Variants in SUDS3 observed in about 807,000 individuals in gnomAD.
SUDS3 encodes SIN3A corepressor complex component SDS3.
A neutral mutation model predicts 53.5 loss-of-function variants in SUDS3; 23 were observed. That is an observed-to-expected ratio of 0.43 (90% confidence interval 0.31 to 0.61). The LOEUF (loss-of-function observed/expected upper bound fraction) is 0.61, where lower values mean the gene tolerates loss of function less well. Ranked by LOEUF, SUDS3 falls within the 20% of genes least tolerant of loss-of-function variation. SUDS3 has a pLI of 0.10. For synonymous variants in SUDS3, 150 were observed against 148.5 expected (o/e 1.01, Z -0.08); for missense variants, 291 against 405.9 (o/e 0.72, Z 2.43).
intron 6 of SUDS3, among the ~76,000 whole-genome samples, chr12:118,392,659 G>A (rs147174308): frequency 3.9e-5 from 6 of 152,266 alleles, no homozygotes; most frequent in African/African-American, 7.2e-5. Context: ...TCTGCCTGCC[G>A]GCTTTTGGAC....
At chr12:118,384,249 T>C (rs1299557561) in intron 3 of SUDS3, among the ~76,000 whole-genome samples, 182 bp downstream of exon 3, 3 of 152,216 alleles carry the variant, frequency 2.0e-5, no homozygotes, top group African/African-American at 7.2e-5. Context: ...GCTCCTTGAT[T>C]TTGAAACATT....
At chr12:118,393,505 G>A (rs2046186404) in intron 6 of SUDS3, among the ~76,000 whole-genome samples, 1 of 152,094 alleles carries the variant, frequency 6.6e-6, no homozygotes, top group Non-Finnish European at 1.5e-5. Context: ...GGGTTGTTCA[G>A]GTAGAAATGA....
intron 6 of SUDS3, among the ~76,000 whole-genome samples, chr12:118,400,261 C>T (rs1023789325): frequency 5.9e-5 from 9 of 152,260 alleles, no homozygotes; most frequent in Admixed American, 6.5e-5. Flanking sequence ...GCACACCCAC[C>T]CTCTTTGGGA....
In SUDS3 at chr12:118,414,494, T is replaced by G; in HGVS notation, c.*61T>G. On this transcript the variant is annotated 3_prime_UTR_variant, in exon 12 of 12. Transcript: ENST00000543473. The stretch of plus-strand genomic sequence containing the variant: ...GAGTGGGTTTTATTTTTGTTTTGTT[T>G]CGTTTTCTCCTTAATAGAAAAATGT... 1 of 1,332,138 alleles carries G rather than the reference T, an allele frequency of 7.5e-7. No individual in the cohort carries two copies. Among genetic ancestry groups the G allele is most frequent in the South Asian group, 1.4e-5 (1 of 72,640 alleles). The allele number at this position is 1,332,138 out of a possible 1,614,324, so 82.5% of individuals were successfully genotyped here.
At position 118,376,662 on chromosome 12, in the gene SUDS3, G is replaced by A; in HGVS notation, c.-30G>A. On this transcript the variant is annotated 5_prime_UTR_variant, in exon 1 of 12. Coordinates refer to ENST00000543473, the MANE Select transcript of SUDS3 (RefSeq NM_022491.3). ...GAGCGCGGGTGGCCGCGGTGTCCGT[G>A]GGCCACGCTCAGCTGCGGTCAGAGG... 6.2e-6 allele frequency: 9 copies of A among 1,440,698 alleles called. No individual in the cohort carries two copies. The highest frequency in any genetic ancestry group is 8.1e-6 in the Non-Finnish European group (9 of 1,105,236). The allele number at this position is 1,440,698 out of a possible 1,614,324, so 89.2% of individuals were successfully genotyped here.
At chr12:118,395,843 C>A (rs2046210182) in intron 6 of SUDS3, among the ~76,000 whole-genome samples, 1 of 152,028 alleles carries the variant, frequency 6.6e-6, no homozygotes, top group African/African-American at 2.4e-5. Flanking sequence ...AGGTGCGTGC[C>A]ACCATGCCTG....
intron 8 of SUDS3, 42 bp downstream of exon 8, chr12:118,401,862 T>C (rs1369588317): frequency 6.2e-7 from 1 of 1,607,188 alleles, no homozygotes; most frequent in African/African-American, 1.3e-5. Context: ...ACTCAGGCTT[T>C]TGTGGTTTTC....
intron 10 of SUDS3, among the ~76,000 whole-genome samples, chr12:118,410,466 C>T (rs1174319040): frequency 6.6e-6 from 1 of 152,136 alleles, no homozygotes; most frequent in Non-Finnish European, 1.5e-5. Flanking sequence ...ACACTTTCCT[C>T]AGCCTTTTCC....
chr12:118,383,919 C>G, intron 2 of SUDS3, 93 bp from the exon 3 acceptor site: 1 of 1,182,682 alleles, frequency 8.5e-7, no homozygotes, highest in African/African-American at 1.5e-5. Context: ...AATGACCTTC[C>G]CATAACAGCC....
chr12:118,389,858 A>G (rs1418787161), intron 4 of SUDS3, 69 bp from the exon 5 acceptor site: 1 of 1,587,164 alleles, frequency 6.3e-7, no homozygotes, highest in Non-Finnish European at 8.6e-7. Context: ...TTCTAAATGA[A>G]TGCTAACATC....
intron 10 of SUDS3, among the ~76,000 whole-genome samples, chr12:118,405,327 TC>T (rs1172400459): frequency 6.6e-6 from 1 of 152,238 alleles, no homozygotes; most frequent in Non-Finnish European, 1.5e-5. Context: ...CTTTGAATCT[TC>T]CTCTTTCTAA....
At chr12:118,377,761 G>A (rs991752227) in intron 1 of SUDS3, among the ~76,000 whole-genome samples, 3 of 152,190 alleles carry the variant, frequency 2.0e-5, no homozygotes, top group Non-Finnish European at 4.4e-5. Flanking sequence ...ACCGATATAT[G>A]AGCGGAATAT....
Position 118,378,176 on chromosome 12 carries a change from A to G in SUDS3, c.142+1343A>G, listed in dbSNP as rs188790196. 3.7e-3 allele frequency among the ~76,000 whole-genome samples: 568 copies of G among 152,292 alleles called. 1 individual carries two copies. Among genetic ancestry groups the G allele is most frequent in the African/African-American group, 0.013 (525 of 41,564 alleles). ...CACACCCCAGCCATTAGCTTGTTCT[A>G]AGAACAATGTTTAAGATGTTCTGAA... On this transcript the variant is annotated intron_variant, in intron 1 of 11. Coordinates refer to ENST00000543473, the MANE Select transcript of SUDS3 (RefSeq NM_022491.3).
chr12:118,412,316 A>G (rs1006398539), intron 11 of SUDS3, among the ~76,000 whole-genome samples: 21 of 152,352 alleles, frequency 1.4e-4, no homozygotes, highest in African/African-American at 3.4e-4. Flanking sequence ...ATTGATTTCT[A>G]TGTGTCTGCC....
chr12:118,408,786 A>G (rs941208021), intron 10 of SUDS3, among the ~76,000 whole-genome samples: 11 of 152,078 alleles, frequency 7.2e-5, no homozygotes, highest in African/African-American at 2.4e-4. Context: ...AAGTGTTTAG[A>G]AAGTTGTATC....
chr12:118,385,182 C>T (rs985500660), intron 3 of SUDS3, among the ~76,000 whole-genome samples: 1 of 151,966 alleles, frequency 6.6e-6, no homozygotes, highest in African/African-American at 2.4e-5. Flanking sequence ...GATCTCAGCT[C>T]ACTGCAACCT....
At chr12:118,396,418 G>GT (rs2046216175) in intron 6 of SUDS3, among the ~76,000 whole-genome samples, 2 of 151,932 alleles carry the variant, frequency 1.3e-5, no homozygotes, top group Non-Finnish European at 2.9e-5. Flanking sequence ...AGCCCAGCTA[G>GT]TTTTTTGTAT....
Position 118,376,913 on chromosome 12 carries a change from G to A in SUDS3, c.142+80G>A, listed in dbSNP as rs1593744801. The A allele has an allele frequency of 6.0e-6, 8 of 1,330,908 alleles. No homozygotes were observed. In the East Asian group the frequency reaches 2.4e-4, roughly 41 times the overall value. 82.4% of individuals were successfully genotyped at this position (1,330,908 alleles called of 1,614,324 possible). ...GGGGGTGGGGCTGTTCGGGAGAGGG[G>A]CGGGGCGGCCTCCGGGGCCTGGGGC... On this transcript the variant is annotated intron_variant, in intron 1 of 11. Coordinates refer to ENST00000543473, the MANE Select transcript of SUDS3 (RefSeq NM_022491.3).
At chr12:118,390,877 A>G (rs2046160421) in intron 5 of SUDS3, 1 of 521,418 alleles carries the variant, frequency 1.9e-6, no homozygotes, top group East Asian at 3.7e-5. Context: ...GTTTTAGTAT[A>G]AAATATAGGA....
Sources: allele counts gnomAD v4.1 joint callset (sites outside exome capture counted in the v4.1 genomes callset), GRCh38; gene constraint gnomAD v4.1.1; transcripts MANE v1.5; gene names NCBI Gene and HGNC (gene_info 2026-07-23, HGNC 2026-07-21).